RNF38: variants seen among roughly 807,000 people sequenced by gnomAD.
The protein encoded by RNF38 is ring finger protein 38.
RNF38 carries 15 observed loss-of-function variants against 67.2 expected under a neutral mutation model. That is an observed-to-expected ratio of 0.22 (90% confidence interval 0.15 to 0.34). The LOEUF (loss-of-function observed/expected upper bound fraction) is 0.34, where lower values mean the gene tolerates loss of function less well. Ranked by LOEUF, RNF38 falls within the 10% of genes least tolerant of loss-of-function variation. The pLI is 1.00. For synonymous variants in RNF38, 220 were observed against 218.8 expected (o/e 1.01, Z -0.05); for missense variants, 524 against 639.9 (o/e 0.82, Z 1.95).
Position 36,467,246 on chromosome 9 carries a change from C to T in RNF38, n.241+20062G>A, listed in dbSNP as rs554079208. On this transcript the variant is annotated intron_variant and non_coding_transcript_variant, in intron 1 of 3. Coordinates refer to the RNF38 transcript ENST00000488058. ...TATATATATATAATATATATATATA[C>T]ACACACACACACATATACACACACA... 2.2e-3 allele frequency among the ~76,000 whole-genome samples: 176 copies of T among 80,948 alleles called. 3 individuals are homozygous for T. The South Asian group carries it at 0.076, about 35-fold the overall frequency. 53.1% of individuals were successfully genotyped at this position (80,948 alleles called of 152,430 possible). A position where few individuals can be genotyped will look rare whatever the true frequency, so the allele number is the denominator to read the frequency against.
At chr9:36,433,051 C>T (rs1441308973) in intron 1 of RNF38, among the ~76,000 whole-genome samples, 1 of 151,570 alleles carries the variant, frequency 6.6e-6, no homozygotes, top group Admixed American at 6.6e-5. Flanking sequence ...TAAATTGCTG[C>T]TGTGATTTCT....
intron 3 of RNF38, among the ~76,000 whole-genome samples, chr9:36,374,963 C>G (rs1356650683): frequency 6.6e-6 from 1 of 152,136 alleles, no homozygotes; most frequent in Non-Finnish European, 1.5e-5. Context: ...TCTGCAACAC[C>G]TTCCTAACTC....
At chr9:36,431,494 G>A (rs1838934216) in intron 1 of RNF38, among the ~76,000 whole-genome samples, 1 of 152,172 alleles carries the variant, frequency 6.6e-6, no homozygotes, top group African/African-American at 2.4e-5. Flanking sequence ...AACACATTAT[G>A]TGGCACAAGA....
intron 1 of RNF38, among the ~76,000 whole-genome samples, chr9:36,459,578 G>T (rs945727663): frequency 2.0e-5 from 3 of 152,078 alleles, no homozygotes; most frequent in African/African-American, 7.2e-5. Flanking sequence ...GAATTACTTT[G>T]TATTTAACAC....
Position 36,452,226 on chromosome 9 carries a change from T to TA in RNF38, n.242-27544dup, listed in dbSNP as rs372299203. On this transcript the variant is annotated intron_variant and non_coding_transcript_variant, in intron 1 of 3. Coordinates refer to the RNF38 transcript ENST00000488058. ...AGGTAACAGACTGAGCTGATGTCTT[T>TA]AAAAAAACTTTAAAATGTTCTTAAA... Among the ~76,000 whole-genome samples the TA allele has an allele frequency of 2.0e-3, 309 of 152,246 alleles. 1 individual carries two copies. The highest frequency in any genetic ancestry group is 7.1e-3 in the African/African-American group (296 of 41,536).
intron 1 of RNF38, among the ~76,000 whole-genome samples, chr9:36,470,112 T>C (rs932918688): frequency 6.6e-6 from 1 of 152,148 alleles, no homozygotes; most frequent in African/African-American, 2.4e-5. Context: ...TGCATTAGCA[T>C]CACCTAGGAA....
chr9:36,369,979 T>C, intron 3 of RNF38, 47 bp from the exon 4 acceptor site: 3 of 1,485,760 alleles, frequency 2.0e-6, no homozygotes, highest in Non-Finnish European at 2.8e-6. Flanking sequence ...TTGTGATCCA[T>C]CAGGATTCTG....
At chr9:36,357,076 G>A (rs1310509232) in intron 5 of RNF38, among the ~76,000 whole-genome samples, 1 of 152,168 alleles carries the variant, frequency 6.6e-6, no homozygotes, top group Non-Finnish European at 1.5e-5. Context: ...AAATTTTGCT[G>A]TGATTTCCTT....
intron 8 of RNF38, among the ~76,000 whole-genome samples, chr9:36,352,389 T>C (rs938496353): frequency 4.6e-5 from 7 of 151,806 alleles, no homozygotes; most frequent in South Asian, 2.1e-4. Flanking sequence ...TTCTAAGACA[T>C]AGAAATAAAT....
chr9:36,412,431 C>T (rs1838348973), intron 2 of RNF38, among the ~76,000 whole-genome samples: 1 of 152,238 alleles, frequency 6.6e-6, no homozygotes, highest in African/African-American at 2.4e-5. Flanking sequence ...ATTACTTGCA[C>T]AACATGAATC....
chr9:36,460,380 C>A (rs1331794827), intron 1 of RNF38, among the ~76,000 whole-genome samples: 2 of 152,094 alleles, frequency 1.3e-5, no homozygotes, highest in Non-Finnish European at 2.9e-5. Flanking sequence ...AGTGGTTTAG[C>A]CAAACTATCA....
chr9:36,416,865 G>A (rs1838488091), intron 2 of RNF38, among the ~76,000 whole-genome samples: 1 of 143,484 alleles, frequency 7.0e-6, no homozygotes. Context: ...CGATTCTCCT[G>A]CCTCAGCTGC....
In RNF38 at chr9:36,339,504, T is replaced by C; in HGVS notation, c.*248A>G. Reference sequence around the variant, plus strand: ...TCACACAAAAACCAGGGAATGTTAGTGCACACACAAAATTAAGCTAAAGAA... The same window carrying C: ...TCACACAAAAACCAGGGAATGTTAGCGCACACACAAAATTAAGCTAAAGAA... On this transcript the variant is annotated 3_prime_UTR_variant, in exon 12 of 12. Coordinates refer to ENST00000259605, the MANE Select transcript of RNF38 (RefSeq NM_022781.5). 2.1e-6 allele frequency: 1 copy of C among 473,612 alleles called. No homozygotes were observed. The highest frequency in any genetic ancestry group is 3.8e-6 in the Non-Finnish European group (1 of 262,064). The allele number at this position is 473,612 out of a possible 1,614,324, so 29.3% of individuals were successfully genotyped here.
chr9:36,385,909 C>T (rs910745441), intron 2 of RNF38, among the ~76,000 whole-genome samples: 2 of 152,158 alleles, frequency 1.3e-5, no homozygotes, highest in African/African-American at 2.4e-5. Context: ...TCTCGCTGAC[C>T]GACTACCACT....
chr9:36,414,402 A>G (rs1336967317), intron 2 of RNF38, among the ~76,000 whole-genome samples: 1 of 152,048 alleles, frequency 6.6e-6, no homozygotes, highest in Non-Finnish European at 1.5e-5. Context: ...TTTTGTTTCA[A>G]GATTTAGAAC....
intron 1 of RNF38, among the ~76,000 whole-genome samples, chr9:36,452,698 A>G (rs562026245): frequency 6.6e-6 from 1 of 152,114 alleles, no homozygotes; most frequent in South Asian, 2.1e-4. Context: ...ATGCCCAGCT[A>G]ATTTTTGTAT....
intron 3 of RNF38, among the ~76,000 whole-genome samples, chr9:36,373,785 T>TTTTTTTG (rs1408176042): frequency 6.6e-6 from 1 of 151,468 alleles, no homozygotes; most frequent in Non-Finnish European, 1.5e-5. Context: ...CTTGCTAGCC[T>TTTTTTTG]TTTTTTGTTT....
At chr9:36,342,486 C>T (rs1563992088) in intron 10 of RNF38, 62 bp from the exon 11 acceptor site, 1 of 983,092 alleles carries the variant, frequency 1.0e-6, no homozygotes, top group South Asian at 1.3e-5. Context: ...GTTATGACTA[C>T]TGAAACCTAC....
At chr9:36,364,553 T>C (rs1315137307) in intron 4 of RNF38, among the ~76,000 whole-genome samples, 1 of 152,248 alleles carries the variant, frequency 6.6e-6, no homozygotes, top group Non-Finnish European at 1.5e-5. Context: ...ATGTAGCATA[T>C]GACCATATTC....
Sources: allele counts gnomAD v4.1 joint callset (sites outside exome capture counted in the v4.1 genomes callset), GRCh38; gene constraint gnomAD v4.1.1; transcripts MANE v1.5; gene names NCBI Gene and HGNC (gene_info 2026-07-23, HGNC 2026-07-21).